The following DZIP1L variants were observed in gnomAD, a reference collection of about 807,000 sequenced individuals.
DZIP1L encodes the protein DAZ interacting zinc finger protein 1 like.
DZIP1L carries 90 observed loss-of-function variants against 88.7 expected under a neutral mutation model. That is an observed-to-expected ratio of 1.02 (90% CI 0.86 to 1.21). The LOEUF (loss-of-function observed/expected upper bound fraction) is 1.21, where lower values mean the gene tolerates loss of function less well. DZIP1L is among the 50% of genes most tolerant of loss of function. The probability of loss-of-function intolerance (pLI) is 0.00; values close to 1 mark genes in which losing one functional copy is unlikely to be tolerated. For missense variants in DZIP1L, 932 were observed against 955.8 expected, an observed-to-expected ratio of 0.98 and a Z score of 0.33; for synonymous variants, 363 against 372.1, an observed-to-expected ratio of 0.98 and a Z score of 0.28.
intron 3 of DZIP1L, 59 bp from the exon 4 acceptor site, chr3:138,095,042 G>T (rs1261461509): frequency 6.2e-7 from 1 of 1,609,950 alleles, no homozygotes; most frequent in African/African-American, 1.3e-5. Flanking sequence ...AGGGAGTGTA[G>T]TTTCTCACCT....
intron 3 of DZIP1L, among the ~76,000 whole-genome samples, chr3:138,096,073 C>T (rs1311248575): frequency 2.0e-5 from 3 of 151,874 alleles, no homozygotes; most frequent in South Asian, 2.1e-4. Context: ...AGAGATGTGG[C>T]GTTTCTCAGG....
intron 3 of DZIP1L, among the ~76,000 whole-genome samples, chr3:138,096,503 A>G: frequency 6.6e-6 from 1 of 152,240 alleles, no homozygotes. Flanking sequence ...AATGAAAATA[A>G]GCAATAGTCA....
At chr3:138,084,292 A>T (rs551320953) in intron 7 of DZIP1L, 39 bp from the exon 8 acceptor site, 3 of 1,603,416 alleles carry the variant, frequency 1.9e-6, no homozygotes, top group African/African-American at 1.3e-5. Context: ...AAATGTCTGC[A>T]GGGACATCTT....
intron 14 of DZIP1L, among the ~76,000 whole-genome samples, chr3:138,066,669 G>A (rs1942916951): frequency 1.3e-5 from 2 of 151,894 alleles, no homozygotes; most frequent in East Asian, 1.9e-4. Flanking sequence ...CTGAGCACGC[G>A]GTGAGCACCC....
chr3:138,096,358 G>A lies in DZIP1L; in HGVS notation c.587-1375C>T, dbSNP rs572874075. ...TGTGATTTATAATAAATAAATGTTG[G>A]GGTAAGCCATATATTCAACAGGAGG... On this transcript the variant is annotated intron_variant, in intron 3 of 15. Coordinates refer to ENST00000327532, the MANE Select transcript of DZIP1L (RefSeq NM_173543.3). Among the ~76,000 whole-genome samples, 331 of 152,178 alleles carry A rather than the reference G, an allele frequency of 2.2e-3. 1 individual carries two copies. The highest frequency in any genetic ancestry group is 7.4e-3 in the African/African-American group (307 of 41,510).
chr3:138,064,287 A>T, intron 15 of DZIP1L: 1 of 1,062,284 alleles, frequency 9.4e-7, no homozygotes, highest in Non-Finnish European at 1.2e-6. Context: ...GGAGGAGCCC[A>T]CTGTGGGATG....
chr3:138,071,422 C>T (rs564737211), intron 12 of DZIP1L, among the ~76,000 whole-genome samples: 7 of 152,168 alleles, frequency 4.6e-5, no homozygotes, highest in Admixed American at 1.3e-4. Flanking sequence ...CCAACTTCCC[C>T]GAGTGACCCT....
In DZIP1L at chr3:138,062,813, G is replaced by C; in HGVS notation, c.*3C>G. ...CCTCTAGCCAGCTAGCTTCTGGGGT[G>C]AATCACCAGGCAGGGACCCTGGGTT... On this transcript the variant is annotated 3_prime_UTR_variant, in exon 16 of 16. Coordinates refer to ENST00000327532, the MANE Select transcript of DZIP1L (RefSeq NM_173543.3). 6.2e-7 allele frequency: 1 copy of C among 1,613,750 alleles called. No individual in the cohort carries two copies.
chr3:138,106,089 A>C (rs2042475167), intron 1 of DZIP1L, among the ~76,000 whole-genome samples: 1 of 145,718 alleles, frequency 6.9e-6, no homozygotes, highest in African/African-American at 2.5e-5. Flanking sequence ...TACCCTATTT[A>C]ATCAAGTCTT....
Position 138,094,861 on chromosome 3 carries a change from C to G in DZIP1L, c.708+1G>C. On this transcript the variant is annotated splice_donor_variant, in intron 4 of 15. Coordinates refer to ENST00000327532, the MANE Select transcript of DZIP1L (RefSeq NM_173543.3). LOFTEE classifies it high-confidence loss of function. ...CCCTGATGTTTTCTCTCCCTGCCCA[C>G]CTGGAGCTGCCGCTGCCTCTCCGCC... is the stretch of plus-strand genomic sequence containing the variant. 2 of 1,614,198 alleles carry G rather than the reference C, an allele frequency of 1.2e-6. No homozygotes were observed. Among genetic ancestry groups the G allele is most frequent in the Non-Finnish European group, 1.7e-6 (2 of 1,180,026 alleles).
At chr3:138,068,026 C>A in intron 13 of DZIP1L, 125 bp downstream of exon 13, 1 of 896,164 alleles carries the variant, frequency 1.1e-6, no homozygotes, top group Non-Finnish European at 1.5e-6. Context: ...ACCTGAGGCA[C>A]CTTCTATTCA....
At position 138,062,810 on chromosome 3, in the gene DZIP1L, G is replaced by A. The variant is rs1290080339; in HGVS notation, c.*6C>T. The A allele has an allele frequency of 6.2e-7, 1 of 1,613,580 alleles. No individual in the cohort carries two copies. The highest frequency in any genetic ancestry group is 8.5e-7 in the Non-Finnish European group (1 of 1,180,026). On this transcript the variant is annotated 3_prime_UTR_variant, in exon 16 of 16. Transcript: ENST00000327532. ...AACCCTCTAGCCAGCTAGCTTCTGG[G>A]GTGAATCACCAGGCAGGGACCCTGG...
At chr3:138,073,827 T>G (rs756519615) in intron 11 of DZIP1L, among the ~76,000 whole-genome samples, 5 of 151,850 alleles carry the variant, frequency 3.3e-5, no homozygotes, top group Non-Finnish European at 5.9e-5. Context: ...ATACAAGAGA[T>G]GAAAGGAAAA....
At chr3:138,097,736 G>A (rs571095465) in intron 3 of DZIP1L, 27 bp downstream of exon 3, 2 of 1,591,588 alleles carry the variant, frequency 1.3e-6, no homozygotes, top group Admixed American at 1.7e-5. Flanking sequence ...AGTCCCAGAA[G>A]GGGCCCGGGC....
rs376878265 is a variant in DZIP1L, at chr3:138,103,731, G to A, written c.241C>T (p.Pro81Ser). 1 of 1,613,622 alleles carries A rather than the reference G, an allele frequency of 6.2e-7. No individual in the cohort carries two copies. Among genetic ancestry groups the A allele is most frequent in the African/African-American group, 1.3e-5 (1 of 74,936 alleles). ...VCSRCGQPVD[P>S]ALLKVLRLAQ... ...AGGCGCAGCACCTTGAGCAGTGCCG[G>A]GTCCACAGGCTGCCCACAGCGGCTG... Residue 81 changes from proline to serine, a missense_variant, in exon 2 of 16, where the codon CCG becomes TCG. Coordinates refer to ENST00000327532, the MANE Select transcript of DZIP1L (RefSeq NM_173543.3).
intron 3 of DZIP1L, among the ~76,000 whole-genome samples, chr3:138,097,027 T>A (rs1944506330): frequency 6.6e-6 from 1 of 151,674 alleles, no homozygotes; most frequent in Admixed American, 6.6e-5. Context: ...GAAAAATTTT[T>A]AAAATTAGCC....
At chr3:138,067,444 A>C in intron 14 of DZIP1L, 87 bp downstream of exon 14, 1 of 1,431,956 alleles carries the variant, frequency 7.0e-7, no homozygotes, top group Non-Finnish European at 9.3e-7. Flanking sequence ...AGGAAGCTAA[A>C]GGGTGTTTCT....
At chr3:138,064,595 T>C in intron 15 of DZIP1L, 33 bp downstream of exon 15, 2 of 1,614,056 alleles carry the variant, frequency 1.2e-6, no homozygotes, top group Non-Finnish European at 1.7e-6. Flanking sequence ...TGTAGAGAAT[T>C]CCAGAGTAAA....
chr3:138,103,129 C>T (rs534345261), intron 2 of DZIP1L, among the ~76,000 whole-genome samples: 1 of 151,670 alleles, frequency 6.6e-6, no homozygotes, highest in Non-Finnish European at 1.5e-5. Context: ...CACACACACA[C>T]ACATTAAACA....
Sources: allele counts gnomAD v4.1 joint callset (sites outside exome capture counted in the v4.1 genomes callset), GRCh38; gene constraint gnomAD v4.1.1; transcripts MANE v1.5; gene names NCBI Gene and HGNC (gene_info 2026-07-23, HGNC 2026-07-21).